The following HIVEP3 variants were observed in gnomAD, a reference collection of about 807,000 sequenced individuals.
The protein encoded by HIVEP3 is transcription factor HIVEP3.
In HIVEP3, 49 loss-of-function variants were observed where a neutral mutation model predicts 152.8. That is an observed-to-expected ratio of 0.32 (90% CI 0.26 to 0.41). HIVEP3 has a LOEUF of 0.41. Among genes scored for constraint, HIVEP3 ranks in the 10% least tolerant of loss-of-function variants. The probability of loss-of-function intolerance (pLI) is 1.00; values close to 1 mark genes in which losing one functional copy is unlikely to be tolerated. For synonymous variants in HIVEP3, 1,269 were observed against 1,289.0 expected, an observed-to-expected ratio of 0.98 and a Z score of 0.33; for missense variants, 2,790 against 3,103.3, an observed-to-expected ratio of 0.90 and a Z score of 2.40.
At chr1:41,746,436 C>G (rs1450448126) in intron 1 of HIVEP3, among the ~76,000 whole-genome samples, 1 of 152,158 alleles carries the variant, frequency 6.6e-6, no homozygotes, top group Non-Finnish European at 1.5e-5. Context: ...TGCTCCCCTC[C>G]CCATTTCAAC....
At chr1:41,777,691 C>G (rs1648795225) in intron 1 of HIVEP3, among the ~76,000 whole-genome samples, 1 of 152,226 alleles carries the variant, frequency 6.6e-6, no homozygotes. Context: ...CTCACCAAGC[C>G]TGTCATCATC....
intron 7 of HIVEP3, among the ~76,000 whole-genome samples, chr1:41,516,710 G>A (rs1642617860): frequency 6.6e-6 from 1 of 152,182 alleles, no homozygotes; most frequent in African/African-American, 2.4e-5. Context: ...CGCGTCCAGC[G>A]GGCTCCAGCA....
intron 1 of HIVEP3, among the ~76,000 whole-genome samples, chr1:41,950,055 C>T (rs769448858): frequency 1.2e-4 from 19 of 152,204 alleles, no homozygotes; most frequent in African/African-American, 4.1e-4. Context: ...GGAAGGTGAC[C>T]GCATCCACCT....
Position 41,918,306 on chromosome 1 carries a change from C to A in HIVEP3, c.-801+107G>T, listed in dbSNP as rs1263977730. The A allele has an allele frequency of 6.5e-6, 1 of 152,758 alleles. No individual in the cohort carries two copies. The highest frequency in any genetic ancestry group is 2.4e-5 in the African/African-American group (1 of 41,474). The allele number at this position is 152,758 out of a possible 1,614,324, so 9.5% of individuals were successfully genotyped here. ...GAAAGGCATACACAAAATGGAATCG[C>A]AGCTCGCTATTCTGCTTCGCGGTGC... On this transcript the variant is annotated intron_variant, in intron 1 of 8. Transcript: ENST00000372583. The surrounding 1 kb of genome is among the most constrained non-coding windows in gnomAD (Gnocchi z 4.3).
intron 1 of HIVEP3, among the ~76,000 whole-genome samples, chr1:41,883,643 C>G (rs1001980880): frequency 6.6e-6 from 1 of 152,232 alleles, no homozygotes; most frequent in Non-Finnish European, 1.5e-5. Flanking sequence ...CCCACAGGAT[C>G]GAGCCTGCCC....
At chr1:41,791,452 A>G (rs1271589967) in intron 1 of HIVEP3, among the ~76,000 whole-genome samples, 1 of 152,266 alleles carries the variant, frequency 6.6e-6, no homozygotes, top group Non-Finnish European at 1.5e-5. Flanking sequence ...CATTGAAAGG[A>G]GCACAGATGG....
chr1:41,963,021 T>C (rs1277848670), intron 1 of HIVEP3, among the ~76,000 whole-genome samples: 1 of 152,206 alleles, frequency 6.6e-6, no homozygotes, highest in Non-Finnish European at 1.5e-5. Flanking sequence ...TTTTGTTTTT[T>C]GTTTTTTTGA....
intron 1 of HIVEP3, among the ~76,000 whole-genome samples, chr1:41,982,661 C>T (rs1158801969): frequency 6.6e-6 from 1 of 152,158 alleles, no homozygotes; most frequent in Non-Finnish European, 1.5e-5. Context: ...CGGGTCAGTT[C>T]TTGCCCAGTA....
intron 1 of HIVEP3, among the ~76,000 whole-genome samples, chr1:41,924,533 T>C (rs1310000623): frequency 6.6e-6 from 1 of 151,954 alleles, no homozygotes; most frequent in African/African-American, 2.4e-5. Context: ...TGGTAGAGAG[T>C]TGGAGTTGTT....
intron 1 of HIVEP3, among the ~76,000 whole-genome samples, chr1:41,880,287 C>G (rs1327122797): frequency 6.6e-6 from 1 of 152,248 alleles, no homozygotes; most frequent in South Asian, 2.1e-4. Context: ...GCAATGCCCC[C>G]ACCTCAGCCT....
intron 3 of HIVEP3, among the ~76,000 whole-genome samples, chr1:41,609,439 A>G (rs1482517318): frequency 6.6e-6 from 1 of 152,232 alleles, no homozygotes; most frequent in Non-Finnish European, 1.5e-5. Context: ...CCGTGTAGGC[A>G]CCTGGCAGGC....
intron 1 of HIVEP3, among the ~76,000 whole-genome samples, chr1:41,928,122 G>A (rs1570818074): frequency 7.1e-6 from 1 of 140,346 alleles, no homozygotes. Context: ...CAATTTTTAA[G>A]AAACAGTTAA....
At chr1:42,026,762 GC>G (rs1306817463) in intron 1 of HIVEP3, among the ~76,000 whole-genome samples, 5 of 151,950 alleles carry the variant, frequency 3.3e-5, no homozygotes, top group Admixed American at 2.0e-4. Flanking sequence ...CTCTTCTTTT[GC>G]TCTCTGAAGC....
At position 41,510,656 on chromosome 1, in the gene HIVEP3, G is replaced by A. The variant is rs773555301; in HGVS notation, c.7016C>T (p.Thr2339Ile). The change falls in exon 9 of 9, where the codon ACC becomes ATC. Residue 2339 changes from threonine (T) to isoleucine (I), a missense_variant. Physicochemically the swap from Thr to Ile is moderately conservative, Grantham distance 89. This residue lies in a region of HIVEP3 where 816 missense variants were observed against 806.5 expected (regional missense o/e 1.01). Transcript: ENST00000372583. ...SPRLESPRAP[T>I]NPEPSATPPL... ...CGGGGTGGCAGAAGGCTCGGGGTTGGTCGGTGCACGCGGGGACTCCAAGCG... is the reference window on the plus strand; with the variant it reads ...CGGGGTGGCAGAAGGCTCGGGGTTGATCGGTGCACGCGGGGACTCCAAGCG... The A allele has an allele frequency of 1.6e-5, 25 of 1,536,356 alleles. No homozygotes were observed. The highest frequency in any genetic ancestry group is 2.1e-5 in the Non-Finnish European group (24 of 1,140,102).
chr1:42,027,555 T>C (rs1033765644), intron 1 of HIVEP3, among the ~76,000 whole-genome samples: 1 of 152,190 alleles, frequency 6.6e-6, no homozygotes, highest in Non-Finnish European at 1.5e-5. Context: ...CCAGCCACAA[T>C]GTCCTCCTTG....
At chr1:41,845,205 A>AACT (rs57130554) in intron 1 of HIVEP3, among the ~76,000 whole-genome samples, 1 of 151,780 alleles carries the variant, frequency 6.6e-6, no homozygotes, top group Non-Finnish European at 1.5e-5. Flanking sequence ...AGAGACTACA[A>AACT]TATGTTTATT....
At chr1:42,022,801 T>C (rs968126638) in intron 1 of HIVEP3, among the ~76,000 whole-genome samples, 15 of 152,144 alleles carry the variant, frequency 9.9e-5, no homozygotes, top group African/African-American at 3.6e-4. Context: ...TATCCATCAT[T>C]TGGGAATGGT....
intron 1 of HIVEP3, among the ~76,000 whole-genome samples, chr1:41,909,660 A>G (rs192240004): frequency 6.6e-6 from 1 of 152,242 alleles, no homozygotes; most frequent in Admixed American, 6.5e-5. Context: ...TGCATCTAAC[A>G]ATGGTAGGAT....
chr1:41,557,961 G>A (rs973430438), intron 5 of HIVEP3, among the ~76,000 whole-genome samples: 40 of 152,200 alleles, frequency 2.6e-4, no homozygotes, highest in African/African-American at 9.4e-4. Context: ...CCTCACAGTA[G>A]TGAGGTAGGC....
Sources: gnomAD v4.1 joint callset for allele counts (sites outside exome capture counted in the v4.1 genomes callset) on GRCh38, gnomAD v4.1.1 for gene constraint, gnomAD v4.1.1 regional missense constraint, Gnocchi (gnomAD v3.1) non-coding constraint, MANE v1.5 for transcripts, NCBI Gene and HGNC (gene_info 2026-07-23, HGNC 2026-07-21) for gene names.